The following PDSS1 variants were observed in gnomAD, a reference collection of about 807,000 sequenced individuals.
PDSS1 encodes decaprenyl diphosphate synthase subunit 1.
A neutral mutation model predicts 57.5 loss-of-function variants in PDSS1; 43 were observed. The ratio of observed to expected loss-of-function variants is 0.75; its 90% CI spans 0.59 to 0.96. PDSS1 has a LOEUF of 0.96. PDSS1 is among the 50% of genes least tolerant of loss of function. The probability of loss-of-function intolerance (pLI) is 0.00; values close to 1 mark genes in which losing one functional copy is unlikely to be tolerated. For synonymous variants in PDSS1, 175 were observed against 191.3 expected (o/e 0.91, Z 0.70); for missense variants, 438 against 527.8 (o/e 0.83, Z 1.67).
Position 26,724,060 on chromosome 10 carries a change from T to G in PDSS1, c.768T>G (p.Phe256Leu). The G allele has an allele frequency of 6.2e-7, 1 of 1,614,140 alleles. No homozygotes were observed. Residue 256 changes from phenylalanine (F) to leucine (L), a missense_variant, in exon 8 of 12, where the codon TTT becomes TTG. Phe to Leu is a conservative substitution (Grantham distance 22). Coordinates refer to ENST00000376215, the MANE Select transcript of PDSS1 (RefSeq NM_014317.5). ...LGSKENENERFAHYLEKTFKK... is the reference protein window; with the variant it reads ...LGSKENENERLAHYLEKTFKK... Reference sequence around the variant, plus strand: ...CAAAAGAAAATGAGAATGAAAGATTTGCACACTACCTTGAGAAGACATTCA... The same window carrying G: ...CAAAAGAAAATGAGAATGAAAGATTGGCACACTACCTTGAGAAGACATTCA...
chr10:26,725,471 TTTA>T (rs1402879442), intron 8 of PDSS1, among the ~76,000 whole-genome samples: 7 of 152,184 alleles, frequency 4.6e-5, no homozygotes, highest in African/African-American at 1.7e-4. Context: ...CTTTTGTCTT[TTTA>T]TTAAAAGGGC....
At chr10:26,732,775 A>G (rs1163345898) in intron 8 of PDSS1, among the ~76,000 whole-genome samples, 1 of 152,216 alleles carries the variant, frequency 6.6e-6, no homozygotes, top group East Asian at 1.9e-4. Flanking sequence ...CAAATCATAC[A>G]AAGTGTTCAT....
intron 8 of PDSS1, among the ~76,000 whole-genome samples, chr10:26,733,049 C>T (rs1836269627): frequency 6.6e-6 from 1 of 152,092 alleles, no homozygotes; most frequent in Non-Finnish European, 1.5e-5. Flanking sequence ...GATCGTGCCG[C>T]TGCACTCTAG....
At chr10:26,716,406 A>G (rs1048285223) in intron 5 of PDSS1, among the ~76,000 whole-genome samples, 36 of 152,046 alleles carry the variant, frequency 2.4e-4, no homozygotes, top group Non-Finnish European at 1.5e-5. Context: ...TATTAAAAAA[A>G]TTTTTTTGGC....
chr10:26,729,578 A>G (rs1836092601), intron 8 of PDSS1, among the ~76,000 whole-genome samples: 1 of 152,194 alleles, frequency 6.6e-6, no homozygotes, highest in Non-Finnish European at 1.5e-5. Context: ...ACAATCTGAG[A>G]ATATACCATA....
At chr10:26,716,473 T>C (rs1419980498) in intron 5 of PDSS1, among the ~76,000 whole-genome samples, 1 of 152,032 alleles carries the variant, frequency 6.6e-6, no homozygotes, top group Admixed American at 6.6e-5. Flanking sequence ...AGGTGGATCA[T>C]GTGAGGTCAT....
At chr10:26,701,323 A>G (rs1293361305) in intron 1 of PDSS1, among the ~76,000 whole-genome samples, 7 of 152,374 alleles carry the variant, frequency 4.6e-5, no homozygotes, top group African/African-American at 1.4e-4. Flanking sequence ...TTAATAGCCA[A>G]GAGAATGGGG....
intron 8 of PDSS1, among the ~76,000 whole-genome samples, chr10:26,733,216 C>T (rs748349230): frequency 1.3e-5 from 2 of 152,154 alleles, no homozygotes; most frequent in Non-Finnish European, 1.5e-5. Context: ...GTTATTTCTA[C>T]GTGGAAATAT....
At chr10:26,716,551 G>A (rs934027741) in intron 5 of PDSS1, among the ~76,000 whole-genome samples, 4 of 152,044 alleles carry the variant, frequency 2.6e-5, no homozygotes, top group African/African-American at 9.7e-5. Flanking sequence ...AATTATCTGG[G>A]CGTGGTGGCA....
intron 5 of PDSS1, chr10:26,718,740 A>C (rs889311887): frequency 6.7e-6 from 1 of 148,732 alleles, no homozygotes; most frequent in African/African-American, 2.5e-5. Flanking sequence ...CAGCCTGGGC[A>C]ATAAGAGTGA....
chr10:26,701,300 A>G (rs936183377), intron 1 of PDSS1, among the ~76,000 whole-genome samples: 3 of 152,260 alleles, frequency 2.0e-5, no homozygotes, highest in African/African-American at 7.2e-5. Flanking sequence ...CATAAGTAAC[A>G]AGGAGCCGAA....
chr10:26,743,151 T>C (rs947063777), intron 11 of PDSS1, among the ~76,000 whole-genome samples: 1 of 152,254 alleles, frequency 6.6e-6, no homozygotes, highest in Non-Finnish European at 1.5e-5. Context: ...TTTAACCCCA[T>C]TCAGGGGCTA....
At chr10:26,721,025 G>C (rs1340968695) in intron 6 of PDSS1, among the ~76,000 whole-genome samples, 1 of 152,034 alleles carries the variant, frequency 6.6e-6, no homozygotes, top group Non-Finnish European at 1.5e-5. Flanking sequence ...GTTTGTGCAG[G>C]CCAGGCGCAG....
chr10:26,706,067 C>G (rs901433490), intron 4 of PDSS1, among the ~76,000 whole-genome samples: 3 of 152,184 alleles, frequency 2.0e-5, no homozygotes, highest in Non-Finnish European at 4.4e-5. Context: ...CCAAATATGG[C>G]TTTCTTCATT....
At chr10:26,732,970 G>A (rs548274643) in intron 8 of PDSS1, among the ~76,000 whole-genome samples, 14 of 152,250 alleles carry the variant, frequency 9.2e-5, no homozygotes, top group African/African-American at 3.1e-4. Flanking sequence ...TTAGCTGGGC[G>A]TGGTGGCATA....
intron 8 of PDSS1, among the ~76,000 whole-genome samples, chr10:26,730,312 A>G (rs770227038): frequency 3.3e-5 from 5 of 151,912 alleles, no homozygotes; most frequent in African/African-American, 4.8e-5. Context: ...GTTGTTTTGA[A>G]TGTTTGAAAC....
At chr10:26,716,406 A>T (rs1048285223) in intron 5 of PDSS1, among the ~76,000 whole-genome samples, 2 of 152,046 alleles carry the variant, frequency 1.3e-5, no homozygotes, top group African/African-American at 4.8e-5. Context: ...TATTAAAAAA[A>T]TTTTTTTGGC....
intron 9 of PDSS1, 33 bp downstream of exon 9, chr10:26,735,353 C>T (rs753310443): frequency 1.0e-5 from 15 of 1,474,726 alleles, no homozygotes; most frequent in South Asian, 5.7e-5. Flanking sequence ...AGAATGGTGG[C>T]GTAGTGATAC....
At chr10:26,725,430 A>T (rs1431769405) in intron 8 of PDSS1, among the ~76,000 whole-genome samples, 2 of 152,244 alleles carry the variant, frequency 1.3e-5, no homozygotes, top group African/African-American at 4.8e-5. Context: ...AATGTGAATT[A>T]TGTAGAACAT....
Sources: allele counts gnomAD v4.1 joint callset (sites outside exome capture counted in the v4.1 genomes callset), GRCh38; gene constraint gnomAD v4.1.1; transcripts MANE v1.5; gene names NCBI Gene and HGNC (gene_info 2026-07-23, HGNC 2026-07-21).